Variants in CDYL observed in about 807,000 individuals in gnomAD.
CDYL encodes the protein chromodomain Y like.
In CDYL, 8 loss-of-function variants were observed where a neutral mutation model predicts 47.3. The ratio of observed to expected loss-of-function variants is 0.17; its 90% CI spans 0.10 to 0.31. The LOEUF (loss-of-function observed/expected upper bound fraction) is 0.31, where lower values mean the gene tolerates loss of function less well. Among genes scored for constraint, CDYL ranks in the 10% least tolerant of loss-of-function variants. CDYL has a pLI of 1.00. For missense variants in CDYL, 471 were observed against 701.4 expected (o/e 0.67, Z 3.71); for synonymous variants, 266 against 265.0 (o/e 1.00, Z -0.04).
At chr6:4,905,025 G>T (rs1009565937) in intron 2 of CDYL, among the ~76,000 whole-genome samples, 2 of 152,138 alleles carry the variant, frequency 1.3e-5, no homozygotes, top group Admixed American at 1.3e-4. Context: ...TTAGGATGGC[G>T]ACCACTGCCC....
At chr6:4,846,407 ACAAT>A (rs1472271609) in intron 1 of CDYL, among the ~76,000 whole-genome samples, 4 of 152,202 alleles carry the variant, frequency 2.6e-5, no homozygotes, top group Admixed American at 6.5e-5. Context: ...TAAAATACAA[ACAAT>A]CAAAACAATA....
At chr6:4,819,982 A>G (rs983569184) in intron 1 of CDYL, among the ~76,000 whole-genome samples, 1 of 152,186 alleles carries the variant, frequency 6.6e-6, no homozygotes, top group Non-Finnish European at 1.5e-5. Context: ...CTTCAGCAGG[A>G]CAAGAGTTGT....
intron 2 of CDYL, among the ~76,000 whole-genome samples, chr6:4,727,407 T>C (rs1317388775): frequency 6.6e-6 from 1 of 152,130 alleles, no homozygotes; most frequent in African/African-American, 2.4e-5. Flanking sequence ...TAGGGTGGAT[T>C]TGCAACACAG....
chr6:4,875,216 TA>T (rs902395081), intron 1 of CDYL, among the ~76,000 whole-genome samples: 1 of 152,210 alleles, frequency 6.6e-6, no homozygotes, highest in Non-Finnish European at 1.5e-5. Flanking sequence ...TTAGCCACTG[TA>T]GTAAGACTTG....
upstream of CDYL, among the ~76,000 whole-genome samples, chr6:4,773,427 A>G (rs1333039071): frequency 6.6e-6 from 1 of 152,202 alleles, no homozygotes; most frequent in Non-Finnish European, 1.5e-5. The surrounding 1 kb of genome is among the most constrained non-coding windows in gnomAD (Gnocchi z 4.6). Flanking sequence ...TCACTGTTTC[A>G]TAAAAGGTGG....
chr6:4,947,877 G>A (rs981533843), intron 5 of CDYL, among the ~76,000 whole-genome samples: 2 of 152,306 alleles, frequency 1.3e-5, no homozygotes, highest in Non-Finnish European at 2.9e-5. Flanking sequence ...GCCCTGGGAA[G>A]AGCGGTCCAT....
chr6:4,750,472 G>A lies in CDYL; in HGVS notation c.186+15628G>A, dbSNP rs150852704. Among the ~76,000 whole-genome samples the A allele has an allele frequency of 8.2e-3, 1,244 of 152,220 alleles. 13 individuals carry two copies. The highest frequency in any genetic ancestry group is 0.028 in the African/African-American group (1,159 of 41,534). The stretch of plus-strand genomic sequence containing the variant: ...CTGCCTCAGCCTCCCAAAGTGCTGG[G>A]ATTATAGGCGTGAGCCACCATGCCC... On this transcript the variant is annotated intron_variant, in intron 3 of 8. Coordinates refer to the CDYL transcript ENST00000328908.
intron 1 of CDYL, among the ~76,000 whole-genome samples, chr6:4,779,896 A>G (rs1031115639): frequency 1.3e-5 from 2 of 152,208 alleles, no homozygotes; most frequent in African/African-American, 4.8e-5. Flanking sequence ...CTGCTTATGG[A>G]TAGTAAAATT....
chr6:4,870,802 T>C (rs182039698), intron 1 of CDYL, among the ~76,000 whole-genome samples: 194 of 152,338 alleles, frequency 1.3e-3, no homozygotes, highest in African/African-American at 4.4e-3. Flanking sequence ...CATTGGATTT[T>C]TAAACTCTAG....
chr6:4,712,446 G>A (rs940680566), intron 1 of CDYL, among the ~76,000 whole-genome samples: 34 of 152,198 alleles, frequency 2.2e-4, no homozygotes, highest in African/African-American at 7.5e-4. Flanking sequence ...GCAGGGGCTG[G>A]GCCCACACAG....
chr6:4,877,952 G>T (rs1761663506), intron 1 of CDYL, among the ~76,000 whole-genome samples: 1 of 152,058 alleles, frequency 6.6e-6, no homozygotes, highest in Non-Finnish European at 1.5e-5. Flanking sequence ...CTTTTAATTT[G>T]TAAACATGGA....
intron 1 of CDYL, among the ~76,000 whole-genome samples, chr6:4,715,157 CCCTA>C (rs1287355234): frequency 1.3e-5 from 2 of 152,218 alleles, no homozygotes; most frequent in African/African-American, 2.4e-5. Context: ...CTCTCACCCT[CCCTA>C]CCTGAGAATG....
At chr6:4,905,358 G>A (rs1424666220) in intron 2 of CDYL, among the ~76,000 whole-genome samples, 1 of 152,194 alleles carries the variant, frequency 6.6e-6, no homozygotes, top group Non-Finnish European at 1.5e-5. Context: ...CGGACACGAT[G>A]TGCCTGTGGG....
At chr6:4,953,618 TGCG>T (rs1215999826) in intron 6 of CDYL, among the ~76,000 whole-genome samples, 7 of 152,356 alleles carry the variant, frequency 4.6e-5, no homozygotes, top group African/African-American at 1.7e-4. Context: ...CACGCCAGTA[TGCG>T]GCAGTGGCGC....
exon 2 of CDYL, chr6:4,715,776 TTTA>T (rs769097974): frequency 6.2e-7 from 1 of 1,613,946 alleles, no homozygotes; most frequent in East Asian, 2.2e-5. Context: ...CCGGAAGAAT[TTTA>T]TGACATTTCA....
rs1762183790 is a variant in CDYL, at chr6:4,895,100, T to C, written c.691+2721T>C. Among the ~76,000 whole-genome samples, 2 of 151,470 alleles carry C rather than the reference T, an allele frequency of 1.3e-5. 1 individual carries two copies. The highest frequency in any genetic ancestry group is 4.8e-5 in the African/African-American group (2 of 41,248). ...CTATATGCACATATATGTACATGTG[T>C]GTATATGTATCTATATGCATATATA... On this transcript the variant is annotated intron_variant, in intron 2 of 6. Coordinates refer to ENST00000397588, the MANE Select transcript of CDYL (RefSeq NM_004824.4).
chr6:4,843,444 C>T (rs1033278182), intron 1 of CDYL, among the ~76,000 whole-genome samples: 6 of 151,300 alleles, frequency 4.0e-5, no homozygotes, highest in Non-Finnish European at 7.4e-5. Context: ...TCTTCTTCCT[C>T]AGTAACACCA....
At chr6:4,825,947 C>T (rs1262709328) in intron 1 of CDYL, among the ~76,000 whole-genome samples, 2 of 151,906 alleles carry the variant, frequency 1.3e-5, no homozygotes, top group African/African-American at 4.8e-5. Context: ...AGACCACCAG[C>T]GGGTGGAAGT....
At chr6:4,926,474 A>G (rs1257777423) in intron 2 of CDYL, among the ~76,000 whole-genome samples, 1 of 142,790 alleles carries the variant, frequency 7.0e-6, no homozygotes, top group Admixed American at 6.9e-5. Context: ...TTTGCAGTTG[A>G]GACCCTTCTG....
Sources: gnomAD v4.1 joint callset for allele counts (sites outside exome capture counted in the v4.1 genomes callset) on GRCh38, gnomAD v4.1.1 for gene constraint, Gnocchi (gnomAD v3.1) non-coding constraint, MANE v1.5 for transcripts, NCBI Gene and HGNC (gene_info 2026-07-23, HGNC 2026-07-21) for gene names.